Variants in MGAT4C observed in about 807,000 individuals in gnomAD.
MGAT4C encodes MGAT4 family member C, also known as alpha-1,3-mannosyl-glycoprotein 4-beta-N-acetylglucosaminyltransferase C.
Under a neutral mutation model 40.1 loss-of-function variants are expected in MGAT4C, and 19 were observed. The observed-to-expected ratio is 0.47, with a 90% CI of 0.33 to 0.70. The LOEUF (loss-of-function observed/expected upper bound fraction) is 0.70. Ranked by LOEUF, MGAT4C falls within the 30% of genes least tolerant of loss-of-function variation. MGAT4C has a pLI of 0.02. For synonymous variants in MGAT4C, 181 were observed against 187.1 expected, an observed-to-expected ratio of 0.97 and a Z score of 0.27; for missense variants, 491 against 563.2, an observed-to-expected ratio of 0.87 and a Z score of 1.30.
chr12:86,470,684 T>G (rs1462762945), intron 2 of MGAT4C, among the ~76,000 whole-genome samples: 1 of 152,292 alleles, frequency 6.6e-6, no homozygotes, highest in South Asian at 2.1e-4. Context: ...GGGCATATTT[T>G]AAATCATATT....
chr12:86,763,774 G>T (rs74833195), intron 1 of MGAT4C, among the ~76,000 whole-genome samples: 115 of 152,152 alleles, frequency 7.6e-4, no homozygotes, highest in Middle Eastern at 6.8e-3. Context: ...ACACATAATA[G>T]TTGTTCTATA....
At chr12:86,711,116 A>C (rs1304820671) in intron 2 of MGAT4C, among the ~76,000 whole-genome samples, 1 of 152,076 alleles carries the variant, frequency 6.6e-6, no homozygotes, top group African/African-American at 2.4e-5. Flanking sequence ...GTACACCAAA[A>C]TCTCAGAAAT....
At chr12:86,078,682 T>C (rs1351665245) in intron 1 of MGAT4C, among the ~76,000 whole-genome samples, 2 of 152,054 alleles carry the variant, frequency 1.3e-5, no homozygotes, top group Non-Finnish European at 1.5e-5. Flanking sequence ...CCTTGGTGAG[T>C]GGAAGTCCGT....
chr12:86,571,008 T>C (rs1960341208), intron 2 of MGAT4C, among the ~76,000 whole-genome samples: 1 of 151,972 alleles, frequency 6.6e-6, no homozygotes, highest in Admixed American at 6.6e-5. Context: ...AGAGATTGGG[T>C]TTCCCCATAT....
rs560275235 is a variant in MGAT4C at position 86,354,354 on chromosome 12, A to G, written c.-119-20227T>C. ...CTAAATTACAATTATCTATCAATCT[A>G]TATATAGAAGAACTAGGCATAGCTC... On this transcript the variant is annotated intron_variant, in intron 3 of 7. Coordinates refer to the MGAT4C transcript ENST00000548651. 2.2e-4 allele frequency among the ~76,000 whole-genome samples: 34 copies of G among 152,314 alleles called. No individual in the cohort carries two copies. In the Middle Eastern group the frequency reaches 0.01, roughly 46 times the overall value.
At chr12:86,789,521 C>T (rs1188772664) in intron 1 of MGAT4C, among the ~76,000 whole-genome samples, 2 of 152,052 alleles carry the variant, frequency 1.3e-5, no homozygotes, top group Admixed American at 1.3e-4. Context: ...TACCTAACTC[C>T]TCACAATCAC....
chr12:86,364,329 T>C (rs1247064473), intron 3 of MGAT4C, among the ~76,000 whole-genome samples: 2 of 152,102 alleles, frequency 1.3e-5, no homozygotes, highest in Non-Finnish European at 2.9e-5. Flanking sequence ...ATATAACATG[T>C]TGTTGCAATT....
chr12:86,126,589 C>G (rs1273502605), intron 1 of MGAT4C, among the ~76,000 whole-genome samples: 2 of 152,104 alleles, frequency 1.3e-5, no homozygotes, highest in Admixed American at 6.5e-5. Context: ...CAAACAAAAA[C>G]TTCAAATACT....
intron 2 of MGAT4C, among the ~76,000 whole-genome samples, chr12:86,605,057 T>C (rs1247514797): frequency 1.3e-5 from 2 of 152,134 alleles, no homozygotes; most frequent in Non-Finnish European, 2.9e-5. Context: ...TTCTGATCTA[T>C]TTGTCATGAT....
At chr12:86,778,699 A>T (rs1370026627) in intron 1 of MGAT4C, among the ~76,000 whole-genome samples, 1 of 152,176 alleles carries the variant, frequency 6.6e-6, no homozygotes, top group African/African-American at 2.4e-5. Flanking sequence ...AACATGTAAC[A>T]TTGATTTTTA....
chr12:86,574,835 A>G (rs1411845765), intron 2 of MGAT4C, among the ~76,000 whole-genome samples: 1 of 151,816 alleles, frequency 6.6e-6, no homozygotes, highest in Non-Finnish European at 1.5e-5. Context: ...GCATTAAATT[A>G]ATTAGACAAT....
chr12:86,264,593 C>T (rs2136100062), intron 4 of MGAT4C, among the ~76,000 whole-genome samples: 1 of 152,298 alleles, frequency 6.6e-6, no homozygotes, highest in Non-Finnish European at 1.5e-5. Flanking sequence ...GCTGCAGCCA[C>T]CCAGCTGTGT....
intron 2 of MGAT4C, among the ~76,000 whole-genome samples, chr12:86,492,389 TCAA>T (rs1958154909): frequency 6.6e-6 from 1 of 152,116 alleles, no homozygotes; most frequent in Admixed American, 6.6e-5. Context: ...CTACCTGACT[TCAA>T]ACTATACTAC....
At chr12:86,107,807 T>C (rs1164643594) in intron 1 of MGAT4C, among the ~76,000 whole-genome samples, 3 of 152,152 alleles carry the variant, frequency 2.0e-5, no homozygotes, top group Admixed American at 2.0e-4. Context: ...CCAATAAATC[T>C]ATTGAAAGTG....
At chr12:86,499,669 C>T (rs1958301927) in intron 2 of MGAT4C, among the ~76,000 whole-genome samples, 1 of 151,820 alleles carries the variant, frequency 6.6e-6, no homozygotes, top group Admixed American at 6.6e-5. Flanking sequence ...TGGACTGGTA[C>T]AATCACTTTC....
intron 1 of MGAT4C, among the ~76,000 whole-genome samples, chr12:86,235,507 C>T (rs772954544): frequency 1.3e-5 from 2 of 152,024 alleles, no homozygotes; most frequent in Admixed American, 6.6e-5. Flanking sequence ...CTTCCCTCCA[C>T]CCCCTTGTTT....
At chr12:86,484,921 G>A (rs1474394760) in intron 2 of MGAT4C, among the ~76,000 whole-genome samples, 1 of 152,074 alleles carries the variant, frequency 6.6e-6, no homozygotes, top group African/African-American at 2.4e-5. Flanking sequence ...CCACACAGCT[G>A]ATTTAGAGGC....
chr12:86,786,805 T>G (rs1951938306), intron 1 of MGAT4C, among the ~76,000 whole-genome samples: 1 of 152,122 alleles, frequency 6.6e-6, no homozygotes, highest in African/African-American at 2.4e-5. Context: ...CTGTATTCTC[T>G]CCTTAATTAG....
intron 2 of MGAT4C, among the ~76,000 whole-genome samples, chr12:86,624,092 T>C (rs1962723871): frequency 6.6e-6 from 1 of 152,198 alleles, no homozygotes; most frequent in Non-Finnish European, 1.5e-5. Flanking sequence ...TGTTGGTGTT[T>C]GGACATATGT....
Sources: gnomAD v4.1 joint callset for allele counts (sites outside exome capture counted in the v4.1 genomes callset) on GRCh38, gnomAD v4.1.1 for gene constraint, MANE v1.5 for transcripts, NCBI Gene and HGNC (gene_info 2026-07-23, HGNC 2026-07-21) for gene names.